The following UNC13C variants were observed in gnomAD, a reference collection of about 807,000 sequenced individuals.
The protein encoded by UNC13C is protein unc-13 homolog C.
UNC13C carries 174 observed loss-of-function variants against 245.4 expected under a neutral mutation model. That is an observed-to-expected ratio of 0.71 (90% CI 0.63 to 0.80). The LOEUF is 0.80. Among genes scored for constraint, UNC13C ranks in the 30% least tolerant of loss-of-function variants. UNC13C has a pLI of 0.00. For missense variants in UNC13C, 2,829 were observed against 2,602.9 expected, an observed-to-expected ratio of 1.09 and a Z score of -1.89; for synonymous variants, 992 against 895.1, an observed-to-expected ratio of 1.11 and a Z score of -1.93.
chr15:54,423,695 G>A (rs2040700256), intron 19 of UNC13C, among the ~76,000 whole-genome samples: 1 of 151,760 alleles, frequency 6.6e-6, no homozygotes, highest in Non-Finnish European at 1.5e-5. Context: ...AATAAAGTTG[G>A]TATTGGCTGA....
rs372915581 is a variant in UNC13C, at chr15:54,013,190, T to A, written c.287T>A (p.Val96Glu). ...FSLSPTFSYRVAIANGLQKNA... is the reference protein window; with the variant it reads ...FSLSPTFSYREAIANGLQKNA... The stretch of plus-strand genomic sequence containing the variant: ...CTCTCACCAACATTCAGTTACCGAG[T>A]AGCTATTGCCAATGGCCTACAAAAG... The change falls in exon 2 of 33, where the codon GTA (valine) becomes GAA (glutamate). Residue 96 changes from valine to glutamate, a missense_variant. By Grantham distance (121) the Val-to-Glu change is moderately radical. Coordinates refer to ENST00000260323, the MANE Select transcript of UNC13C (RefSeq NM_001080534.3). 39 of 1,613,742 alleles carry A rather than the reference T, an allele frequency of 2.4e-5. No individual in the cohort carries two copies. The African/African-American group carries it at 3.7e-4, about 15-fold the overall frequency.
At chr15:54,435,786 C>T (rs571658824) in intron 19 of UNC13C, among the ~76,000 whole-genome samples, 5 of 151,328 alleles carry the variant, frequency 3.3e-5, no homozygotes, top group Middle Eastern at 3.4e-3. Flanking sequence ...TCAGAGTGAA[C>T]AGGCAACCTA....
chr15:54,204,258 A>C (rs1320507527), intron 4 of UNC13C, among the ~76,000 whole-genome samples: 1 of 150,556 alleles, frequency 6.6e-6, no homozygotes, highest in Non-Finnish European at 1.5e-5. Flanking sequence ...CATGTAACCA[A>C]ACACCACTTG....
intron 4 of UNC13C, among the ~76,000 whole-genome samples, chr15:54,191,385 C>CT (rs1209628622): frequency 1.3e-5 from 2 of 152,070 alleles, no homozygotes; most frequent in African/African-American, 4.8e-5. Flanking sequence ...TGAACTCATC[C>CT]TTTTTTATGG....
intron 2 of UNC13C, among the ~76,000 whole-genome samples, chr15:54,063,798 T>C (rs1178758279): frequency 6.6e-6 from 1 of 152,138 alleles, no homozygotes; most frequent in Admixed American, 6.5e-5. Flanking sequence ...TAATGGGATA[T>C]AGCACAAAAG....
intron 29 of UNC13C, among the ~76,000 whole-genome samples, chr15:54,556,531 T>A (rs1481731612): frequency 6.6e-6 from 1 of 151,996 alleles, no homozygotes; most frequent in African/African-American, 2.4e-5. Flanking sequence ...GGCACCTGGA[T>A]CACAGAAATG....
intron 17 of UNC13C, among the ~76,000 whole-genome samples, chr15:54,349,594 T>C (rs950030144): frequency 3.3e-5 from 5 of 152,160 alleles, no homozygotes; most frequent in Admixed American, 2.6e-4. Context: ...TTTCATCTCA[T>C]GAATGCAAAA....
At chr15:54,305,672 G>A (rs779848304) in intron 13 of UNC13C, among the ~76,000 whole-genome samples, 7 of 151,976 alleles carry the variant, frequency 4.6e-5, no homozygotes, top group Non-Finnish European at 8.8e-5. Flanking sequence ...AACCTAGAAC[G>A]CAACATTTGA....
the UNC13C span, among the ~76,000 whole-genome samples, chr15:53,881,807 C>A: frequency 6.6e-6 from 1 of 152,138 alleles, no homozygotes; most frequent in Non-Finnish European, 1.5e-5. Context: ...TTCCTACTTG[C>A]ACAAAACCAA....
At chr15:54,149,421 A>G (rs1335016547) in intron 4 of UNC13C, among the ~76,000 whole-genome samples, 1 of 152,198 alleles carries the variant, frequency 6.6e-6, no homozygotes, top group African/African-American at 2.4e-5. Context: ...ATAAGGGTTA[A>G]CAGATGTAAA....
the UNC13C span, among the ~76,000 whole-genome samples, chr15:53,963,078 A>C: frequency 6.6e-6 from 1 of 152,112 alleles, no homozygotes; most frequent in Non-Finnish European, 1.5e-5. Context: ...TAAACTACAG[A>C]AGGTAGGGTA....
chr15:54,138,370 A>C (rs1224240685), intron 2 of UNC13C, among the ~76,000 whole-genome samples: 1 of 152,112 alleles, frequency 6.6e-6, no homozygotes, highest in Admixed American at 6.5e-5. Flanking sequence ...ATATTAACCT[A>C]TTACTGAAGT....
At chr15:54,297,009 G>C (rs1368979891) in intron 11 of UNC13C, among the ~76,000 whole-genome samples, 1 of 152,120 alleles carries the variant, frequency 6.6e-6, no homozygotes, top group Admixed American at 6.5e-5. Context: ...GTTAGCCTAG[G>C]GTATAGACTG....
chr15:54,127,383 G>T (rs1595886938), intron 2 of UNC13C, among the ~76,000 whole-genome samples: 2 of 152,148 alleles, frequency 1.3e-5, no homozygotes, highest in Admixed American at 1.3e-4. Flanking sequence ...CCATAAAAAA[G>T]GATGAGTTCA....
At chr15:54,549,757 C>A (rs1896651862) in intron 28 of UNC13C, 66 bp downstream of exon 28, 5 of 992,974 alleles carry the variant, frequency 5.0e-6, no homozygotes, top group Non-Finnish European at 7.6e-6. Context: ...CTGCAAGCAT[C>A]CTCCTCCTAG....
At chr15:54,405,990 AGT>A (rs1395924332) in intron 18 of UNC13C, among the ~76,000 whole-genome samples, 1 of 39,108 alleles carries the variant, frequency 2.6e-5, no homozygotes, top group Admixed American at 3.1e-4. Context: ...TGTTGAGAGA[AGT>A]GTGGGGGGGG....
intron 10 of UNC13C, among the ~76,000 whole-genome samples, chr15:54,268,849 T>C (rs2036613529): frequency 6.6e-6 from 1 of 152,016 alleles, no homozygotes; most frequent in Non-Finnish European, 1.5e-5. Flanking sequence ...TTTCTTTATG[T>C]GCATGCACTT....
chr15:54,451,062 T>C (rs1163349595), intron 19 of UNC13C, among the ~76,000 whole-genome samples: 2 of 152,180 alleles, frequency 1.3e-5, no homozygotes, highest in Non-Finnish European at 1.5e-5. Flanking sequence ...ATATCATCTC[T>C]GTAAGAGATG....
At chr15:54,025,926 A>G (rs1175028020) in intron 2 of UNC13C, among the ~76,000 whole-genome samples, 1 of 152,192 alleles carries the variant, frequency 6.6e-6, no homozygotes, top group Non-Finnish European at 1.5e-5. Context: ...CCAGAGATGT[A>G]GGTTAAGCTT....
Sources: allele counts gnomAD v4.1 joint callset (sites outside exome capture counted in the v4.1 genomes callset), GRCh38; gene constraint gnomAD v4.1.1; transcripts MANE v1.5; gene names NCBI Gene and HGNC (gene_info 2026-07-23, HGNC 2026-07-21).